Variants in LOXHD1 observed in about 807,000 individuals in gnomAD.
The protein encoded by LOXHD1 is lipoxygenase homology PLAT domains 1, also known as lipoxygenase homology domain-containing protein 1.
In LOXHD1, 205 loss-of-function variants were observed where a neutral mutation model predicts 248.2. The ratio of observed to expected loss-of-function variants is 0.83; its 90% CI spans 0.74 to 0.93. The LOEUF (loss-of-function observed/expected upper bound fraction) is 0.93. LOXHD1 is among the 40% of genes least tolerant of loss of function. The pLI is 0.00. For missense variants in LOXHD1, 2,930 were observed against 2,971.6 expected (o/e 0.99, Z 0.33); for synonymous variants, 1,113 against 1,162.8 (o/e 0.96, Z 0.87).
intron 3 of LOXHD1, among the ~76,000 whole-genome samples, chr18:46,640,962 T>C (rs1039325588): frequency 6.6e-6 from 1 of 152,104 alleles, no homozygotes; most frequent in Non-Finnish European, 1.5e-5. Context: ...AACAGACAGA[T>C]GAAACCCATG....
chr18:46,654,503 G>T (rs1044810308), intron 1 of LOXHD1, among the ~76,000 whole-genome samples: 1 of 152,222 alleles, frequency 6.6e-6, no homozygotes, highest in Admixed American at 6.5e-5. Context: ...TCTTAGGAGA[G>T]AGAGCAATGT....
intron 5 of LOXHD1, among the ~76,000 whole-genome samples, chr18:46,615,840 GT>G (rs149057876): frequency 0.012 from 1,791 of 152,164 alleles, 42 homozygotes; most frequent in East Asian, 0.073. Context: ...CAAGAATTTT[GT>G]TAATTTTTGC....
At chr18:46,587,855 A>G (rs531996411) in intron 12 of LOXHD1, among the ~76,000 whole-genome samples, 1 of 152,068 alleles carries the variant, frequency 6.6e-6, no homozygotes, top group Non-Finnish European at 1.5e-5. Context: ...TGGCATGTGT[A>G]TTGTCCATAT....
chr18:46,579,594 G>A (rs2037923347), intron 13 of LOXHD1, 36 bp downstream of exon 13: 3 of 1,551,470 alleles, frequency 1.9e-6, no homozygotes, highest in Non-Finnish European at 2.6e-6. Context: ...GGAACTGGGA[G>A]GAAGGGGATG....
chr18:46,593,873 A>T, intron 9 of LOXHD1, 113 bp from the exon 10 acceptor site: 1 of 1,119,196 alleles, frequency 8.9e-7, no homozygotes. Flanking sequence ...CGGGGTATAC[A>T]CAGGTGTGTC....
chr18:46,551,106 CTT>C (rs1239620935), intron 21 of LOXHD1, among the ~76,000 whole-genome samples: 19 of 140,958 alleles, frequency 1.3e-4, no homozygotes, highest in Non-Finnish European at 1.2e-4. Flanking sequence ...CTTTTCTTTT[CTT>C]TTTTTTTTTT....
intron 27 of LOXHD1, chr18:46,533,567 T>A: frequency 2.1e-6 from 1 of 485,812 alleles, no homozygotes; most frequent in South Asian, 2.5e-5. Context: ...AATAGGTATC[T>A]GAACTCCATC....
intron 17 of LOXHD1, among the ~76,000 whole-genome samples, chr18:46,564,082 G>A (rs1183832454): frequency 7.0e-6 from 1 of 143,772 alleles, no homozygotes; most frequent in Non-Finnish European, 1.5e-5. Context: ...TGGAAGGAGG[G>A]GGAGAGAGAG....
At chr18:46,516,985 A>C (rs1229051953) in intron 34 of LOXHD1, among the ~76,000 whole-genome samples, 2 of 152,146 alleles carry the variant, frequency 1.3e-5, no homozygotes, top group Non-Finnish European at 2.9e-5. Flanking sequence ...CCAATCCAGA[A>C]GTATTGAGTG....
At chr18:46,504,907 AATTTAAT>A (rs2034464160) in intron 37 of LOXHD1, among the ~76,000 whole-genome samples, 1 of 152,220 alleles carries the variant, frequency 6.6e-6, no homozygotes. Flanking sequence ...AAGGAGGTGG[AATTTAAT>A]ATTTAACAAC....
chr18:46,575,676 G>C (rs565644022), intron 14 of LOXHD1, among the ~76,000 whole-genome samples: 1 of 152,100 alleles, frequency 6.6e-6, no homozygotes, highest in Non-Finnish European at 1.5e-5. Context: ...CCTTCTGAGG[G>C]GTGCAGCCTG....
At position 46,559,470 on chromosome 18, in the gene LOXHD1, G is replaced by A. The variant is rs775204807; in HGVS notation, c.3194C>T (p.Ser1065Phe). ...GERPLKKSDKSNKFEQGQTDT... is the reference protein window; with the variant it reads ...GERPLKKSDKFNKFEQGQTDT... The stretch of plus-strand genomic sequence containing the variant: ...TACCTGCCCCTGCTCAAATTTGTTG[G>A]ACTTGTCTGACTTCTTCAGGGGTCG... Residue 1065 changes from serine (S) to phenylalanine (F), a missense_variant, in exon 20 of 41, where the codon TCC (serine) becomes TTC (phenylalanine). Physicochemically the swap from Ser to Phe is radical, Grantham distance 155. Transcript: ENST00000642948. 10 of 1,551,930 alleles carry A rather than the reference G, an allele frequency of 6.4e-6. No homozygotes were observed. The highest frequency in any genetic ancestry group is 8.7e-6 in the Non-Finnish European group (10 of 1,147,080).
rs192661988 is a variant in LOXHD1 at position 46,648,759 on chromosome 18, C to G, written c.245+396G>C. ...ACACAACACTGGTCCCTGGTGAGAC[C>G]TTGTATTTTATGCTCACAGCTCCCT... On this transcript the variant is annotated intron_variant, in intron 2 of 40. Transcript: ENST00000642948. Among the ~76,000 whole-genome samples, 584 of 152,310 alleles carry G rather than the reference C, an allele frequency of 3.8e-3. 3 individuals are homozygous for G. Among genetic ancestry groups the G allele is most frequent in the Non-Finnish European group, 5.9e-3 (403 of 68,032 alleles).
intron 4 of LOXHD1, among the ~76,000 whole-genome samples, chr18:46,632,330 G>A (rs2038836125): frequency 6.6e-6 from 1 of 152,126 alleles, no homozygotes; most frequent in African/African-American, 2.4e-5. Context: ...TTTGTATGAT[G>A]GGAATCTGTG....
intron 25 of LOXHD1, 107 bp downstream of exon 25, chr18:46,541,669 G>A: frequency 3.1e-6 from 4 of 1,296,086 alleles, no homozygotes; most frequent in Non-Finnish European, 4.3e-6. Flanking sequence ...AAATCTTCAA[G>A]GTGGGCCTGG....
chr18:46,546,794 C>G lies in LOXHD1; in HGVS notation c.3514+101G>C, dbSNP rs1438051363. On this transcript the variant is annotated intron_variant, in intron 22 of 40. Transcript: ENST00000642948. ...CAATAGACTGTCAAGGGAGGAAGTT[C>G]CCAGAGCCCACAGGGGAGGGAAGGA... 3 of 1,357,210 alleles carry G rather than the reference C, an allele frequency of 2.2e-6. No homozygotes were observed. In the African/African-American group the frequency reaches 4.4e-5, roughly 20 times the overall value. The allele number at this position is 1,357,210 out of a possible 1,614,324, so 84.1% of individuals were successfully genotyped here.
chr18:46,573,042 A>AAAAAAAAAAC, intron 14 of LOXHD1, among the ~76,000 whole-genome samples: 1 of 151,180 alleles, frequency 6.6e-6, no homozygotes. Flanking sequence ...AAAAAAAAAA[A>AAAAAAAAAAC]AAAAGACAGG....
Position 46,639,591 on chromosome 18 carries a change from C to T in LOXHD1, c.511+25G>A, listed in dbSNP as rs1349623612. 3 of 1,539,028 alleles carry T rather than the reference C, an allele frequency of 1.9e-6. No individual in the cohort carries two copies. The South Asian group carries it at 3.6e-5, about 19-fold the overall frequency. On this transcript the variant is annotated intron_variant, in intron 4 of 40. Coordinates refer to ENST00000642948, the MANE Select transcript of LOXHD1 (RefSeq NM_001384474.1). Reference sequence around the variant, plus strand: ...GCCCAGCCCAGCTAGGGAGGGATGGCAGGCAGGCCAGCCTAGGCACTGACC... The same window carrying T: ...GCCCAGCCCAGCTAGGGAGGGATGGTAGGCAGGCCAGCCTAGGCACTGACC...
Position 46,642,037 on chromosome 18 carries a change from C to A in LOXHD1, c.246-1G>T. The A allele has an allele frequency of 6.4e-7, 1 of 1,552,200 alleles. No individual in the cohort carries two copies. ...GCCCTTCTCAAAGGCAGACTTGCTCCTGCAATGAACACGTGCAGTTAGTGC... is the reference window on the plus strand; with the variant it reads ...GCCCTTCTCAAAGGCAGACTTGCTCATGCAATGAACACGTGCAGTTAGTGC... On this transcript the variant is annotated splice_acceptor_variant, in intron 2 of 40. Transcript: ENST00000642948. LOFTEE classifies it high-confidence loss of function.
Sources: gnomAD v4.1 joint callset for allele counts (sites outside exome capture counted in the v4.1 genomes callset) on GRCh38, gnomAD v4.1.1 for gene constraint, MANE v1.5 for transcripts, NCBI Gene and HGNC (gene_info 2026-07-23, HGNC 2026-07-21) for gene names.